The following CAST variants were observed in gnomAD, a reference collection of about 807,000 sequenced individuals.
CAST encodes the protein calpastatin, also known as MIR583 host.
In CAST, 76 loss-of-function variants were observed where a neutral mutation model predicts 119.6. The ratio of observed to expected loss-of-function variants is 0.64; its 90% CI spans 0.53 to 0.77. The LOEUF is 0.77. CAST is among the 30% of genes least tolerant of loss of function. The probability of loss-of-function intolerance (pLI) is 0.00; values close to 1 mark genes in which losing one functional copy is unlikely to be tolerated. For synonymous variants in CAST, 319 were observed against 331.6 expected, an observed-to-expected ratio of 0.96 and a Z score of 0.41; for missense variants, 953 against 946.5, an observed-to-expected ratio of 1.01 and a Z score of -0.09.
chr5:96,515,505 ACGTC>A, the CAST span, among the ~76,000 whole-genome samples: 1 of 152,108 alleles, frequency 6.6e-6, no homozygotes, highest in African/African-American at 2.4e-5. Flanking sequence ...CACAGTATTC[ACGTC>A]CAATATCTTC....
At chr5:96,581,993 T>C (rs1561422285) in intron 1 of CAST, among the ~76,000 whole-genome samples, 1 of 152,232 alleles carries the variant, frequency 6.6e-6, no homozygotes, top group Non-Finnish European at 1.5e-5. Flanking sequence ...TTCTAATAAA[T>C]TCCTGCCTCC....
At chr5:96,472,023 T>C in the CAST span, among the ~76,000 whole-genome samples, 6 of 152,272 alleles carry the variant, frequency 3.9e-5, no homozygotes, top group East Asian at 1.2e-3. Context: ...TACTCTGAAT[T>C]TGCAACTCTG....
At chr5:96,299,919 A>C in the CAST span, among the ~76,000 whole-genome samples, 2 of 152,192 alleles carry the variant, frequency 1.3e-5, no homozygotes, top group Non-Finnish European at 2.9e-5. Context: ...ACAGTTATTT[A>C]ACAGTTTAAC....
upstream of CAST, among the ~76,000 whole-genome samples, chr5:96,658,477 G>C (rs1056091535): frequency 6.6e-6 from 1 of 152,132 alleles, no homozygotes; most frequent in Non-Finnish European, 1.5e-5. Context: ...CTCATTTTAT[G>C]GTCTACAGAA....
the CAST span, among the ~76,000 whole-genome samples, chr5:96,502,614 GTCTTTCTTTCTTTCTTTCTT>G: frequency 1.1e-3 from 151 of 143,256 alleles, 1 homozygote; most frequent in African/African-American, 2.7e-3. Flanking sequence ...AAGTTACCTA[GTCTTTCTTTCTTTCTTTCTT>G]TCTTTCTTTC....
chr5:96,046,649 C>G, the CAST span, among the ~76,000 whole-genome samples: 1 of 152,296 alleles, frequency 6.6e-6, no homozygotes, highest in East Asian at 1.9e-4. Flanking sequence ...AACTTCTTTA[C>G]TTATTCACAA....
chr5:96,687,934 T>G (rs1752265071), intron 2 of CAST, among the ~76,000 whole-genome samples: 1 of 152,196 alleles, frequency 6.6e-6, no homozygotes, highest in Non-Finnish European at 1.5e-5. Flanking sequence ...GCTGAATGAC[T>G]GGCGAATTTA....
chr5:96,150,024 C>CA, the CAST span, among the ~76,000 whole-genome samples: 1 of 151,928 alleles, frequency 6.6e-6, no homozygotes, highest in Middle Eastern at 3.2e-3. Flanking sequence ...TTTGTTATCT[C>CA]AAAAAATATT....
At position 96,774,628 on chromosome 5, in the gene CAST, A is replaced by ATGT. The variant is rs1773692685; in HGVS notation, c.*2014_*2016dup. On this transcript the variant is annotated 3_prime_UTR_variant, in exon 32 of 32. Transcript: ENST00000675179. ...ACCAAAACTGAAAATCAATATTTCCATGTTTCATTAATCAAGGCATAAAAT... is the reference window on the plus strand; with the variant it reads ...ACCAAAACTGAAAATCAATATTTCCATGTTGTTTCATTAATCAAGGCATAAAAT... The ATGT allele has an allele frequency of 1.0e-6, 1 of 985,334 alleles. No individual in the cohort carries two copies. The highest frequency in any genetic ancestry group is 1.7e-5 in the African/African-American group (1 of 57,256). 61.0% of individuals were successfully genotyped at this position (985,334 alleles called of 1,614,324 possible).
At chr5:96,414,527 A>G in the CAST span, among the ~76,000 whole-genome samples, 1 of 152,240 alleles carries the variant, frequency 6.6e-6, no homozygotes, top group African/African-American at 2.4e-5. Context: ...TAACTGACAT[A>G]CAATAGGTGC....
chr5:96,488,963 A>G, the CAST span, among the ~76,000 whole-genome samples: 19,577 of 152,260 alleles, frequency 0.13, 1,716 homozygotes, highest in Non-Finnish European at 0.19. Context: ...CAAGGACCAC[A>G]AAGGGCAACT....
At chr5:96,749,986 G>T (rs1428955183) in intron 19 of CAST, among the ~76,000 whole-genome samples, 1 of 152,136 alleles carries the variant, frequency 6.6e-6, no homozygotes, top group Non-Finnish European at 1.5e-5. Flanking sequence ...ATGGGGCAGG[G>T]GTCTAAGAAT....
the CAST span, among the ~76,000 whole-genome samples, chr5:96,460,472 C>G: frequency 6.6e-6 from 1 of 151,864 alleles, no homozygotes; most frequent in African/African-American, 2.4e-5. Context: ...GTGCAGCAAA[C>G]CACCATGCAC....
chr5:96,478,925 T>C, the CAST span, among the ~76,000 whole-genome samples: 11 of 152,332 alleles, frequency 7.2e-5, no homozygotes, highest in African/African-American at 2.6e-4. Context: ...ACAGGATAAC[T>C]GATAGACTCA....
the CAST span, among the ~76,000 whole-genome samples, chr5:96,474,394 C>T: frequency 6.6e-6 from 1 of 150,482 alleles, no homozygotes; most frequent in South Asian, 2.1e-4. Flanking sequence ...CTTGTATCAT[C>T]TCCATATTCA....
the CAST span, among the ~76,000 whole-genome samples, chr5:96,104,590 C>G: frequency 6.6e-6 from 1 of 152,076 alleles, no homozygotes; most frequent in Admixed American, 6.5e-5. Context: ...TTCCTTTGAT[C>G]TATATCTCTG....
At chr5:96,033,878 G>A in the CAST span, among the ~76,000 whole-genome samples, 1 of 152,136 alleles carries the variant, frequency 6.6e-6, no homozygotes, top group Non-Finnish European at 1.5e-5. Flanking sequence ...TACATAATGG[G>A]AGAAAATATT....
intron 1 of CAST, among the ~76,000 whole-genome samples, chr5:96,530,438 A>G (rs963718200): frequency 3.3e-5 from 5 of 152,234 alleles, no homozygotes; most frequent in African/African-American, 9.6e-5. Flanking sequence ...TGAAATATCT[A>G]TGAAACATTG....
chr5:96,348,201 GT>G, the CAST span, among the ~76,000 whole-genome samples: 1 of 152,034 alleles, frequency 6.6e-6, no homozygotes, highest in Non-Finnish European at 1.5e-5. Context: ...TAGAGTAAGA[GT>G]TGGAGGAAAG....
Sources: allele counts gnomAD v4.1 joint callset (sites outside exome capture counted in the v4.1 genomes callset), GRCh38; gene constraint gnomAD v4.1.1; transcripts MANE v1.5; gene names NCBI Gene and HGNC (gene_info 2026-07-23, HGNC 2026-07-21).